Variants in RIPK2 observed in about 807,000 individuals in gnomAD.
The protein encoded by RIPK2 is receptor interacting serine/threonine kinase 2.
RIPK2 carries 38 observed loss-of-function variants against 60.9 expected under a neutral mutation model. That is an observed-to-expected ratio of 0.62 (90% CI 0.48 to 0.82). RIPK2 has a LOEUF of 0.82. Among genes scored for constraint, RIPK2 ranks in the 40% least tolerant of loss-of-function variants. The pLI, the probability that RIPK2 is intolerant of heterozygous loss-of-function variation, is 0.00. For missense variants in RIPK2, 518 were observed against 647.0 expected (o/e 0.80, Z 2.16); for synonymous variants, 225 against 223.4 (o/e 1.01, Z -0.06).
At chr8:89,783,982 T>C (rs1586132793) in intron 7 of RIPK2, 68 bp from the exon 8 acceptor site, 2 of 827,140 alleles carry the variant, frequency 2.4e-6, no homozygotes, top group Non-Finnish European at 3.9e-6. Context: ...TGTTAGATTG[T>C]ATTTTACTTC....
At chr8:89,789,240 G>C in intron 9 of RIPK2, 81 bp from the exon 10 acceptor site, 1 of 1,220,766 alleles carries the variant, frequency 8.2e-7, no homozygotes, top group Middle Eastern at 2.0e-4. Context: ...CCTACCTTCT[G>C]TCTGCTCAGA....
chr8:89,762,136 TGTGATCACAC>T (rs1809156641), intron 1 of RIPK2, among the ~76,000 whole-genome samples: 1 of 151,842 alleles, frequency 6.6e-6, no homozygotes, highest in Admixed American at 6.6e-5. Flanking sequence ...TATAGTGAGC[TGTGATCACAC>T]CACTGCACTC....
At chr8:89,774,040 G>A (rs1048969225) in intron 6 of RIPK2, among the ~76,000 whole-genome samples, 2 of 151,818 alleles carry the variant, frequency 1.3e-5, no homozygotes, top group Admixed American at 1.3e-4. Flanking sequence ...CACTGTGATC[G>A]TGCCTATGAA....
At chr8:89,764,453 A>G (rs1321949046) in intron 2 of RIPK2, among the ~76,000 whole-genome samples, 3 of 152,194 alleles carry the variant, frequency 2.0e-5, no homozygotes, top group Non-Finnish European at 4.4e-5. Context: ...TCTCAAGAAC[A>G]GTTTTGTACT....
chr8:89,785,272 C>T (rs960800180), intron 8 of RIPK2, among the ~76,000 whole-genome samples: 1 of 152,016 alleles, frequency 6.6e-6, no homozygotes, highest in East Asian at 1.9e-4. Flanking sequence ...GTCAGGAGTT[C>T]GAGACCAGCC....
intron 1 of RIPK2, chr8:89,759,278 A>G (rs1273689501): frequency 2.2e-6 from 1 of 456,274 alleles, no homozygotes; most frequent in Admixed American, 2.3e-5. Flanking sequence ...GTGACTGTGT[A>G]TTAGTCAATG....
At chr8:89,760,712 T>A (rs1809130949) in intron 1 of RIPK2, among the ~76,000 whole-genome samples, 1 of 152,318 alleles carries the variant, frequency 6.6e-6, no homozygotes, top group South Asian at 2.1e-4. Context: ...ATTTATAAAG[T>A]GGAGCTAATG....
At chr8:89,760,946 C>T (rs1306127871) in intron 1 of RIPK2, among the ~76,000 whole-genome samples, 1 of 152,168 alleles carries the variant, frequency 6.6e-6, no homozygotes, top group Non-Finnish European at 1.5e-5. Flanking sequence ...AGATATGGAA[C>T]TATTTCCATC....
chr8:89,788,836 A>G (rs1003046155), intron 9 of RIPK2, among the ~76,000 whole-genome samples: 4 of 151,546 alleles, frequency 2.6e-5, no homozygotes, highest in Non-Finnish European at 5.9e-5. Flanking sequence ...GGGAGGGAGG[A>G]AGGAAGGAAG....
intron 6 of RIPK2, among the ~76,000 whole-genome samples, chr8:89,777,962 G>A (rs879863094): frequency 1.3e-5 from 2 of 152,030 alleles, no homozygotes; most frequent in Non-Finnish European, 2.9e-5. Context: ...CCAAATGGAA[G>A]AACATGAAAT....
At chr8:89,783,242 A>G (rs1043048492) in intron 7 of RIPK2, among the ~76,000 whole-genome samples, 10 of 152,208 alleles carry the variant, frequency 6.6e-5, no homozygotes, top group Non-Finnish European at 1.3e-4. Flanking sequence ...TTGTATTTAA[A>G]TCACTGAGTA....
At chr8:89,770,849 A>G (rs1431881310) in intron 4 of RIPK2, among the ~76,000 whole-genome samples, 2 of 151,916 alleles carry the variant, frequency 1.3e-5, no homozygotes, top group Non-Finnish European at 2.9e-5. Flanking sequence ...CAATTCATAC[A>G]GTGTCTTTTA....
At chr8:89,783,978 A>T (rs1809541514) in intron 7 of RIPK2, 72 bp from the exon 8 acceptor site, 4 of 793,810 alleles carry the variant, frequency 5.0e-6, no homozygotes, top group Non-Finnish European at 8.3e-6. Context: ...AATGTGTTAG[A>T]TTGTATTTTA....
chr8:89,763,018 A>G (rs761338355), intron 2 of RIPK2, 36 bp downstream of exon 2: 1 of 1,260,400 alleles, frequency 7.9e-7, no homozygotes, highest in Non-Finnish European at 1.0e-6. Flanking sequence ...CATAATTGCC[A>G]TTTTTACTAT....
chr8:89,780,163 A>G lies in RIPK2; in HGVS notation c.939+3A>G, dbSNP rs781397492. On this transcript the variant is annotated splice_donor_region_variant and intron_variant, in intron 7 of 10. Coordinates refer to ENST00000220751, the MANE Select transcript of RIPK2 (RefSeq NM_003821.6). ...TTATTCAGCTAAAGAAAACAAAGGT[A>G]AGTTGCTAAATGAAATGCTGGAAAT... 1 of 1,449,492 alleles carries G rather than the reference A, an allele frequency of 6.9e-7. No individual in the cohort carries two copies. Among genetic ancestry groups the G allele is most frequent in the South Asian group, 1.2e-5 (1 of 80,408 alleles). 89.8% of individuals were successfully genotyped at this position (1,449,492 alleles called of 1,614,324 possible).
intron 9 of RIPK2, 87 bp from the exon 10 acceptor site, chr8:89,789,234 C>T: frequency 8.7e-7 from 1 of 1,145,272 alleles, no homozygotes; most frequent in East Asian, 2.4e-5. Flanking sequence ...TTGGAGCCTA[C>T]CTTCTGTCTG....
chr8:89,789,362 C>A lies in RIPK2; in HGVS notation c.1165C>A (p.Pro389Thr), dbSNP rs752638518. The change falls in exon 10 of 11, where the codon CCT becomes ACT. Residue 389 changes from proline to threonine, a missense_variant. Pro to Thr is a conservative substitution (Grantham distance 38, BLOSUM62 -1). Transcript: ENST00000220751. ...DCYFMKLHHCPGNHSWDSTIS... is the reference protein window; with the variant it reads ...DCYFMKLHHCTGNHSWDSTIS... Reference sequence around the variant, plus strand: ...TTATTTTATGAAGCTGCATCACTGTCCTGGAAATCACAGTTGGGATAGCAC... The same window carrying A: ...TTATTTTATGAAGCTGCATCACTGTACTGGAAATCACAGTTGGGATAGCAC... The A allele has an allele frequency of 1.2e-6, 2 of 1,614,030 alleles. No individual in the cohort carries two copies. The highest frequency in any genetic ancestry group is 3.3e-5 in the Admixed American group (2 of 60,012).
intron 4 of RIPK2, among the ~76,000 whole-genome samples, chr8:89,770,446 A>G (rs1809293855): frequency 6.6e-6 from 1 of 151,868 alleles, no homozygotes; most frequent in Admixed American, 6.6e-5. Flanking sequence ...CATATTACTT[A>G]TAATCTCATA....
chr8:89,760,393 C>G (rs1809125387), intron 1 of RIPK2, among the ~76,000 whole-genome samples: 1 of 152,106 alleles, frequency 6.6e-6, no homozygotes, highest in Non-Finnish European at 1.5e-5. Flanking sequence ...GATGACATAA[C>G]TTTTCTGATT....
Sources: gnomAD v4.1 joint callset for allele counts (sites outside exome capture counted in the v4.1 genomes callset) on GRCh38, gnomAD v4.1.1 for gene constraint, MANE v1.5 for transcripts, NCBI Gene and HGNC (gene_info 2026-07-23, HGNC 2026-07-21) for gene names.